The following ECHDC1 variants were observed in gnomAD, a reference collection of about 807,000 sequenced individuals.
The protein encoded by ECHDC1 is ethylmalonyl-CoA decarboxylase 1.
Under a neutral mutation model 29.7 loss-of-function variants are expected in ECHDC1, and 29 were observed. That is an observed-to-expected ratio of 0.98 (90% CI 0.73 to 1.33). ECHDC1 has a LOEUF of 1.33. Among genes scored for constraint, ECHDC1 ranks in the 40% most tolerant of loss-of-function variants. The pLI is 0.00. For missense variants in ECHDC1, 328 were observed against 350.0 expected (o/e 0.94, Z 0.50); for synonymous variants, 126 against 123.1 (o/e 1.02, Z -0.15).
intron 5 of ECHDC1, chr6:127,313,668 T>C (rs1782128441): frequency 2.3e-6 from 1 of 438,878 alleles, no homozygotes. Context: ...AAGTGTATAA[T>C]GAATTTTTAA....
intron 2 of ECHDC1, among the ~76,000 whole-genome samples, chr6:127,327,374 T>C (rs1783447317): frequency 6.6e-6 from 1 of 152,200 alleles, no homozygotes. Flanking sequence ...TCTCTCCATT[T>C]ATCTTAAGAA....
rs1779960850 is a variant in ECHDC1, at chr6:127,289,817, T to C, written c.*52A>G. 2.7e-6 allele frequency: 4 copies of C among 1,484,744 alleles called. No homozygotes were observed. Among genetic ancestry groups the C allele is most frequent in the African/African-American group, 2.8e-5 (2 of 70,964 alleles). 92.0% of individuals were successfully genotyped at this position (1,484,744 alleles called of 1,614,324 possible). ...CATATTTAATATCATTTAACATTTATACATATTAGTCACTGGAGCTTTACT... is the reference window on the plus strand; with the variant it reads ...CATATTTAATATCATTTAACATTTACACATATTAGTCACTGGAGCTTTACT... On this transcript the variant is annotated 3_prime_UTR_variant, in exon 6 of 6. Transcript: ENST00000454859.
In ECHDC1 at chr6:127,289,767, T is replaced by C; in HGVS notation, c.*102A>G. 8.5e-7 allele frequency: 1 copy of C among 1,180,514 alleles called. No homozygotes were observed. The highest frequency in any genetic ancestry group is 2.5e-5 in the East Asian group (1 of 40,572). The allele number at this position is 1,180,514 out of a possible 1,614,324, so 73.1% of individuals were successfully genotyped here. On this transcript the variant is annotated 3_prime_UTR_variant, in exon 6 of 6. Transcript: ENST00000454859. ...TAAAAGTAAGTCTGCATATTAATAG[T>C]AGCCTTCAAAGTAATTCTGATGTTC...
chr6:127,316,721 T>C (rs1178366129), intron 3 of ECHDC1, among the ~76,000 whole-genome samples: 10 of 152,044 alleles, frequency 6.6e-5, no homozygotes, highest in Admixed American at 6.6e-4. Flanking sequence ...GCATGAGGTA[T>C]TAGCAAAGAT....
intron 5 of ECHDC1, among the ~76,000 whole-genome samples, chr6:127,305,787 G>T (rs1421631678): frequency 6.6e-6 from 1 of 151,920 alleles, no homozygotes; most frequent in African/African-American, 2.4e-5. Context: ...TGCAGTATTT[G>T]CAAGCCAAAA....
chr6:127,330,800 C>T lies in ECHDC1; in HGVS notation c.220+9G>A, dbSNP rs762288261. ...TGTCATTCTTTAGGAATAAAAAGAT[C>T]CCTAATACCTGAAAAGGCATTCATT... On this transcript the variant is annotated intron_variant, in intron 2 of 5. Transcript: ENST00000454859. The T allele has an allele frequency of 8.8e-6, 14 of 1,597,954 alleles. No homozygotes were observed. The South Asian group carries it at 1.5e-4, about 18-fold the overall frequency.
At chr6:127,314,257 A>G (rs1350785624) in intron 5 of ECHDC1, among the ~76,000 whole-genome samples, 1 of 152,168 alleles carries the variant, frequency 6.6e-6, no homozygotes, top group Non-Finnish European at 1.5e-5. Flanking sequence ...TGTCATTTCT[A>G]TATAATATAG....
At chr6:127,311,151 A>C (rs1341046797) in intron 5 of ECHDC1, among the ~76,000 whole-genome samples, 2 of 152,152 alleles carry the variant, frequency 1.3e-5, no homozygotes, top group Non-Finnish European at 1.5e-5. Context: ...CAAACCTGTG[A>C]TATCTATGAA....
intron 5 of ECHDC1, among the ~76,000 whole-genome samples, chr6:127,295,396 G>A (rs1780520237): frequency 6.6e-6 from 1 of 152,114 alleles, no homozygotes. Context: ...TTGGATAGTT[G>A]AGAATTTTAT....
chr6:127,296,874 G>A (rs9321074), intron 5 of ECHDC1, among the ~76,000 whole-genome samples: 110,867 of 151,924 alleles, frequency 0.73, 40,623 homozygotes, highest in East Asian at 0.78. Flanking sequence ...GTGTGGTGGT[G>A]CACTCCTGTA....
intron 4 of ECHDC1, chr6:127,315,467 T>C (rs1782284365): frequency 4.3e-6 from 1 of 234,348 alleles, no homozygotes; most frequent in Non-Finnish European, 8.6e-6. Context: ...AAATAAATCT[T>C]TTACCTTTCC....
At chr6:127,328,347 T>A (rs1309830852) in intron 2 of ECHDC1, among the ~76,000 whole-genome samples, 2 of 152,202 alleles carry the variant, frequency 1.3e-5, no homozygotes, top group African/African-American at 4.8e-5. Flanking sequence ...TACAATGAAT[T>A]ATTCACATGT....
intron 3 of ECHDC1, among the ~76,000 whole-genome samples, chr6:127,326,248 T>C (rs1240449189): frequency 1.3e-5 from 2 of 152,146 alleles, no homozygotes; most frequent in African/African-American, 2.4e-5. Flanking sequence ...ACCTTGTTGT[T>C]TGAAAGTGTG....
At chr6:127,303,040 A>C (rs1781172151) in intron 5 of ECHDC1, among the ~76,000 whole-genome samples, 1 of 152,164 alleles carries the variant, frequency 6.6e-6, no homozygotes, top group African/African-American at 2.4e-5. Context: ...AAACGGTCTT[A>C]TATACCAAAA....
intron 1 of ECHDC1, among the ~76,000 whole-genome samples, chr6:127,331,303 G>A (rs569839202): frequency 7.2e-5 from 11 of 151,962 alleles, no homozygotes; most frequent in African/African-American, 2.4e-4. Flanking sequence ...CCATGACCAC[G>A]CCTGGCTAAT....
rs1779837946 is a variant in ECHDC1, at chr6:127,288,774, G to GCCAATAGTAT, written c.*1094_*1095insATACTATTGG. The GCCAATAGTAT allele has an allele frequency of 6.6e-6, 1 of 152,060 alleles. No homozygotes were observed. Among genetic ancestry groups the GCCAATAGTAT allele is most frequent in the Non-Finnish European group, 1.5e-5 (1 of 67,956 alleles). The allele number at this position is 152,060 out of a possible 1,614,324, so 9.4% of individuals were successfully genotyped here. A position where few individuals can be genotyped will look rare whatever the true frequency, so the allele number is the denominator to read the frequency against. On this transcript the variant is annotated 3_prime_UTR_variant, in exon 6 of 6. Coordinates refer to ENST00000454859, the MANE Select transcript of ECHDC1 (RefSeq NM_001002030.2). Reference sequence around the variant, plus strand: ...TACATCTATGGCCAAATAGTATTGGGTTGACACAGTAATCTAGAGTTTACC... The same window carrying GCCAATAGTAT: ...TACATCTATGGCCAAATAGTATTGGGCCAATAGTATTTGACACAGTAATCTAGAGTTTACC...
rs184828977 is a variant in ECHDC1, at chr6:127,298,598, A to C, written c.498-8321T>G. 7.5e-5 allele frequency among the ~76,000 whole-genome samples: 11 copies of C among 147,514 alleles called. No individual in the cohort carries two copies. The East Asian group carries it at 2.0e-3, about 26-fold the overall frequency. ...AGAATCCTTTATAAATAAGGTATAC[A>C]GTCATGCACTGAATAACAACATTTT... is the stretch of plus-strand genomic sequence containing the variant. On this transcript the variant is annotated intron_variant, in intron 5 of 5. Transcript: ENST00000454859.
chr6:127,331,128 G>T, intron 1 of ECHDC1, 98 bp from the exon 2 acceptor site: 4 of 833,454 alleles, frequency 4.8e-6, no homozygotes, highest in Non-Finnish European at 7.4e-6. Flanking sequence ...CCCTTCTGTT[G>T]AGTTGGGAAT....
At chr6:127,314,110 G>C (rs1487124700) in intron 5 of ECHDC1, among the ~76,000 whole-genome samples, 2 of 152,094 alleles carry the variant, frequency 1.3e-5, no homozygotes, top group African/African-American at 4.8e-5. Flanking sequence ...TTATAAAGAG[G>C]CTCCAGTATG....
Sources: gnomAD v4.1 joint callset for allele counts (sites outside exome capture counted in the v4.1 genomes callset) on GRCh38, gnomAD v4.1.1 for gene constraint, MANE v1.5 for transcripts, NCBI Gene and HGNC (gene_info 2026-07-23, HGNC 2026-07-21) for gene names.